The following PLCB4 variants were observed in gnomAD, a reference collection of about 807,000 sequenced individuals.
PLCB4 encodes 1-phosphatidylinositol 4,5-bisphosphate phosphodiesterase beta-4.
PLCB4 carries 77 observed loss-of-function variants against 178.8 expected under a neutral mutation model. The observed-to-expected ratio is 0.43, with a 90% confidence interval of 0.36 to 0.52. The LOEUF is 0.52. PLCB4 is among the 20% of genes least tolerant of loss of function. The pLI is 0.00. For missense variants in PLCB4, 1,024 were observed against 1,453.4 expected (o/e 0.70, Z 4.80); for synonymous variants, 496 against 490.8 (o/e 1.01, Z -0.14).
intron 19 of PLCB4, among the ~76,000 whole-genome samples, chr20:9,397,432 C>T (rs538407893): frequency 1.4e-3 from 209 of 152,282 alleles, no homozygotes; most frequent in Non-Finnish European, 2.5e-3. Flanking sequence ...ATATTTTTAC[C>T]TCTTCCCATA....
intron 34 of PLCB4, among the ~76,000 whole-genome samples, chr20:9,458,039 C>T (rs1002419417): frequency 2.6e-5 from 4 of 151,602 alleles, no homozygotes; most frequent in African/African-American, 9.7e-5. Flanking sequence ...GTGTTAAGTC[C>T]CAGTTAAGAA....
At chr20:9,452,682 A>G (rs927893992) in intron 32 of PLCB4, among the ~76,000 whole-genome samples, 1 of 152,208 alleles carries the variant, frequency 6.6e-6, no homozygotes, top group African/African-American at 2.4e-5. Flanking sequence ...GGTTACGTGA[A>G]GCAGATGGGA....
chr20:9,291,308 C>T (rs1323489716), intron 3 of PLCB4, among the ~76,000 whole-genome samples: 1 of 152,116 alleles, frequency 6.6e-6, no homozygotes, highest in East Asian at 1.9e-4. Context: ...CCAAAGACAG[C>T]ATCTAATATT....
intron 2 of PLCB4, among the ~76,000 whole-genome samples, chr20:9,208,674 G>A (rs537009194): frequency 2.4e-4 from 37 of 152,106 alleles, no homozygotes; most frequent in African/African-American, 6.5e-4. Context: ...TAAGTAGCTG[G>A]GACTACAGGC....
intron 3 of PLCB4, among the ~76,000 whole-genome samples, chr20:9,236,066 G>A (rs918999393): frequency 9.2e-5 from 14 of 152,142 alleles, no homozygotes; most frequent in African/African-American, 3.1e-4. Context: ...CCAATATGCG[G>A]GATCCCCCTT....
At chr20:9,230,908 A>T (rs1461167371) in intron 3 of PLCB4, among the ~76,000 whole-genome samples, 1 of 152,110 alleles carries the variant, frequency 6.6e-6, no homozygotes, top group Non-Finnish European at 1.5e-5. Flanking sequence ...GAGGAAATAG[A>T]CCTTTTTAGG....
At chr20:9,188,852 C>T (rs1191868867) in intron 2 of PLCB4, among the ~76,000 whole-genome samples, 1 of 104,930 alleles carries the variant, frequency 9.5e-6, no homozygotes. Context: ...CTGTGGAGGG[C>T]TGTCATATAG....
In PLCB4 at chr20:9,435,621, C is replaced by A. The variant is rs1366359719; in HGVS notation, c.2586C>A (p.Asp862Glu). Reference protein sequence around the residue: ...KFLSITEKRADQMRAMGIETS... With the variant: ...KFLSITEKRAEQMRAMGIETS... ...TCTCAATTACAGAAAAGAGAGCAGACCAAATGAGAGCTATGGGCATTGAAA... is the reference window on the plus strand; with the variant it reads ...TCTCAATTACAGAAAAGAGAGCAGAACAAATGAGAGCTATGGGCATTGAAA... Residue 862 changes from aspartate to glutamate, a missense_variant, in exon 29 of 40, where the codon GAC (aspartate) becomes GAA (glutamate). This residue lies in a region of PLCB4 where 227 missense variants were observed against 374.3 expected (regional missense o/e 0.61). Coordinates refer to ENST00000378473, the MANE Select transcript of PLCB4 (RefSeq NM_001377142.1). 4.4e-6 allele frequency: 7 copies of A among 1,604,158 alleles called. No individual in the cohort carries two copies. In the East Asian group the frequency reaches 1.1e-4, roughly 26 times the overall value.
intron 3 of PLCB4, among the ~76,000 whole-genome samples, chr20:9,230,334 G>A (rs1341078419): frequency 6.6e-6 from 1 of 152,072 alleles, no homozygotes; most frequent in Non-Finnish European, 1.5e-5. Flanking sequence ...AAATTTGAGG[G>A]CAGTGGGGGA....
chr20:9,242,939 A>C (rs926717706), intron 3 of PLCB4, among the ~76,000 whole-genome samples: 1 of 152,196 alleles, frequency 6.6e-6, no homozygotes, highest in Non-Finnish European at 1.5e-5. Context: ...TGATGGGTTC[A>C]AAGCCCATCA....
intron 19 of PLCB4, among the ~76,000 whole-genome samples, chr20:9,397,926 G>A (rs1231511413): frequency 6.6e-6 from 1 of 152,186 alleles, no homozygotes; most frequent in African/African-American, 2.4e-5. Context: ...GCTTTTGTCA[G>A]CAGATGACAT....
intron 2 of PLCB4, among the ~76,000 whole-genome samples, chr20:9,164,450 C>T (rs953895107): frequency 3.9e-5 from 6 of 152,006 alleles, no homozygotes; most frequent in African/African-American, 1.2e-4. Context: ...TCTTCTGAAT[C>T]ATTTTTTAAG....
intron 30 of PLCB4, among the ~76,000 whole-genome samples, chr20:9,438,193 C>T (rs905884933): frequency 1.3e-5 from 2 of 151,742 alleles, no homozygotes; most frequent in Admixed American, 6.6e-5. Context: ...GTTGAAACCC[C>T]GTCTCTACTA....
At chr20:9,386,031 C>A (rs549850191) in intron 14 of PLCB4, among the ~76,000 whole-genome samples, 1 of 152,322 alleles carries the variant, frequency 6.6e-6, no homozygotes, top group Non-Finnish European at 1.5e-5. Flanking sequence ...GGCTGGCAGA[C>A]CACTCGAGGT....
intron 3 of PLCB4, among the ~76,000 whole-genome samples, chr20:9,233,590 G>A (rs1397439208): frequency 6.6e-6 from 1 of 152,146 alleles, no homozygotes; most frequent in Non-Finnish European, 1.5e-5. Flanking sequence ...TAATGTTTGA[G>A]CTTAGATCCA....
At chr20:9,132,106 T>A (rs1251281104) in intron 2 of PLCB4, among the ~76,000 whole-genome samples, 1 of 152,170 alleles carries the variant, frequency 6.6e-6, no homozygotes, top group Non-Finnish European at 1.5e-5. Context: ...ATTGTTGTTT[T>A]AAATTACTAA....
intron 1 of PLCB4, among the ~76,000 whole-genome samples, chr20:9,090,859 A>G (rs561954550): frequency 6.6e-6 from 1 of 152,350 alleles, no homozygotes; most frequent in East Asian, 1.9e-4. Flanking sequence ...AGTTTTCATC[A>G]ACTTCAAAGA....
chr20:9,323,466 T>C (rs2029866226), intron 4 of PLCB4, among the ~76,000 whole-genome samples: 1 of 152,246 alleles, frequency 6.6e-6, no homozygotes, highest in Non-Finnish European at 1.5e-5. Context: ...AATTCATCAC[T>C]CAACATATTT....
At chr20:9,125,145 G>A (rs749457006) in intron 2 of PLCB4, among the ~76,000 whole-genome samples, 3 of 152,124 alleles carry the variant, frequency 2.0e-5, no homozygotes, top group African/African-American at 4.8e-5. Flanking sequence ...TGAGAACACC[G>A]TGATCCAGTT....
Sources: gnomAD v4.1 joint callset for allele counts (sites outside exome capture counted in the v4.1 genomes callset) on GRCh38, gnomAD v4.1.1 for gene constraint, gnomAD v4.1.1 regional missense constraint, MANE v1.5 for transcripts, NCBI Gene and HGNC (gene_info 2026-07-23, HGNC 2026-07-21) for gene names.